Variants in ZDHHC14 observed in about 807,000 individuals in gnomAD.
ZDHHC14 encodes the protein zDHHC palmitoyltransferase 14.
ZDHHC14 carries 16 observed loss-of-function variants against 47.7 expected under a neutral mutation model. The observed-to-expected ratio is 0.34, with a 90% CI of 0.23 to 0.51. The LOEUF (loss-of-function observed/expected upper bound fraction) is 0.51, where lower values mean the gene tolerates loss of function less well. Among genes scored for constraint, ZDHHC14 ranks in the 20% least tolerant of loss-of-function variants. The probability of loss-of-function intolerance (pLI) is 0.97; values close to 1 mark genes in which losing one functional copy is unlikely to be tolerated. For missense variants in ZDHHC14, 515 were observed against 662.5 expected, an observed-to-expected ratio of 0.78 and a Z score of 2.44; for synonymous variants, 293 against 278.9, an observed-to-expected ratio of 1.05 and a Z score of -0.50.
In ZDHHC14 at chr6:157,582,375, G is replaced by A. The variant is rs1307990824; in HGVS notation, c.407-10613G>A. On this transcript the variant is annotated intron_variant, in intron 2 of 8. Coordinates refer to ENST00000359775, the MANE Select transcript of ZDHHC14 (RefSeq NM_024630.3). This position sits in a 1 kb window ranked among gnomAD's most constrained non-coding sequence, Gnocchi z 4.3. ...TGTGTTTTTGTAGTGGCTGGTAATG[G>A]TCCTTCCTTTCCATATTTAGTGCTC... Among the ~76,000 whole-genome samples the A allele has an allele frequency of 5.3e-5, 8 of 152,202 alleles. No individual in the cohort carries two copies. The highest frequency in any genetic ancestry group is 1.7e-4 in the African/African-American group (7 of 41,450).
At chr6:157,589,718 C>T (rs1783833085) in intron 2 of ZDHHC14, among the ~76,000 whole-genome samples, 1 of 152,090 alleles carries the variant, frequency 6.6e-6, no homozygotes, top group South Asian at 2.1e-4. Context: ...CAGATATGTC[C>T]TTATAGTAGC....
intron 2 of ZDHHC14, among the ~76,000 whole-genome samples, chr6:157,548,427 G>GTTA (rs199812099): frequency 0.15 from 21,385 of 145,794 alleles, 1,776 homozygotes; most frequent in Non-Finnish European, 0.19. Flanking sequence ...TGTTTTTGTT[G>GTTA]TTGTTGTTGT....
At chr6:157,600,806 C>T (rs150110239) in intron 3 of ZDHHC14, among the ~76,000 whole-genome samples, 1,589 of 152,160 alleles carry the variant, frequency 0.01, 29 homozygotes, top group African/African-American at 0.034. Flanking sequence ...TCACACCCCC[C>T]GGGTTGCTCC....
chr6:157,517,652 C>T (rs1780745802), intron 1 of ZDHHC14, among the ~76,000 whole-genome samples: 4 of 152,170 alleles, frequency 2.6e-5, no homozygotes. Flanking sequence ...TTGAAAATTT[C>T]TGTCAGGTAC....
rs1414253987 is a variant in ZDHHC14 at position 157,522,021 on chromosome 6, A to G, written c.246-20564A>G. On this transcript the variant is annotated intron_variant, in intron 1 of 8. Coordinates refer to ENST00000359775, the MANE Select transcript of ZDHHC14 (RefSeq NM_024630.3). ...AATTGCTAAGTATATAACAAGTTGC[A>G]TTTTTTTTTTAAAGTACAAAGCTGG... is the stretch of plus-strand genomic sequence containing the variant. Among the ~76,000 whole-genome samples, 5 of 150,884 alleles carry G rather than the reference A, an allele frequency of 3.3e-5. No individual in the cohort carries two copies. The East Asian group carries it at 9.7e-4, about 29-fold the overall frequency.
chr6:157,433,868 A>G (rs2114783788), intron 1 of ZDHHC14, among the ~76,000 whole-genome samples: 1 of 152,200 alleles, frequency 6.6e-6, no homozygotes, highest in East Asian at 1.9e-4. Context: ...GCTGGCTCCC[A>G]TCTTTCCAGA....
chr6:157,656,330 G>A (rs1778087817), intron 8 of ZDHHC14, among the ~76,000 whole-genome samples: 1 of 138,956 alleles, frequency 7.2e-6, no homozygotes, highest in South Asian at 2.3e-4. Context: ...TCAGTGTAAG[G>A]CTACTTTTCT....
intron 1 of ZDHHC14, among the ~76,000 whole-genome samples, chr6:157,528,876 A>G (rs777786027): frequency 5.6e-4 from 85 of 150,454 alleles, no homozygotes; most frequent in Non-Finnish European, 9.0e-4. Flanking sequence ...TAATTAATTT[A>G]AAAAGCACAA....
At chr6:157,456,596 C>A (rs1002543962) in intron 1 of ZDHHC14, among the ~76,000 whole-genome samples, 3 of 152,210 alleles carry the variant, frequency 2.0e-5, no homozygotes, top group African/African-American at 7.2e-5. Flanking sequence ...CCATGTTTCT[C>A]CCTGGCAGTA....
chr6:157,557,184 C>T (rs191371550), intron 2 of ZDHHC14, among the ~76,000 whole-genome samples: 5 of 152,278 alleles, frequency 3.3e-5, no homozygotes, highest in East Asian at 1.9e-4. Context: ...ATTGCACCTG[C>T]GGGCCTAGCA....
intron 2 of ZDHHC14, among the ~76,000 whole-genome samples, chr6:157,591,181 T>C (rs1392635081): frequency 6.6e-6 from 1 of 152,226 alleles, no homozygotes; most frequent in African/African-American, 2.4e-5. Context: ...GGGTTAATGC[T>C]AGAATGAGCT....
chr6:157,631,431 CA>C (rs1168782298), intron 4 of ZDHHC14: 1 of 152,240 alleles, frequency 6.6e-6, no homozygotes, highest in African/African-American at 2.4e-5. Flanking sequence ...ACCCCCTCAT[CA>C]GTGACCCCCA....
rs111638692 is a variant in ZDHHC14, at chr6:157,649,971, C to T, written c.965+2603C>T. The stretch of plus-strand genomic sequence containing the variant: ...TGGGGGTGCACGGGAGAGGGGCTGG[C>T]TCTGTGCCAGGCGCTGGGGGTGCAC... On this transcript the variant is annotated intron_variant, in intron 7 of 8. Transcript: ENST00000359775. 2.5e-3 allele frequency among the ~76,000 whole-genome samples: 381 copies of T among 152,002 alleles called. 4 individuals are homozygous for T. The highest frequency in any genetic ancestry group is 0.01 in the South Asian group (49 of 4,774).
rs187889853 is a variant in ZDHHC14 at position 157,677,577 on chromosome 6, G to C, written c.*4455G>C. 1 of 152,204 alleles carries C rather than the reference G, an allele frequency of 6.6e-6. No individual in the cohort carries two copies. Among genetic ancestry groups the C allele is most frequent in the East Asian group, 1.9e-4 (1 of 5,186 alleles). 9.4% of individuals were successfully genotyped at this position (152,204 alleles called of 1,614,324 possible). The stretch of plus-strand genomic sequence containing the variant: ...AAAACTAGATAAATAGCCACAACTG[G>C]AGTTATTTTTTGATCTCATAAACCC... On this transcript the variant is annotated 3_prime_UTR_variant, in exon 9 of 9. Transcript: ENST00000359775.
chr6:157,431,632 C>A (rs1778340132), intron 1 of ZDHHC14, among the ~76,000 whole-genome samples: 1 of 152,124 alleles, frequency 6.6e-6, no homozygotes, highest in Admixed American at 6.5e-5. Flanking sequence ...GGACTACTCA[C>A]CTCCTTAGGA....
In ZDHHC14 at chr6:157,635,603, G is replaced by A. The variant is rs2114964456; in HGVS notation, c.752+2721G>A. On this transcript the variant is annotated intron_variant, in intron 5 of 8. Transcript: ENST00000359775. ...CACGGCTTCCAGGTGTGGCCAGAGG[G>A]ATTTCAAAGAGACTCTGCCAGAACC... Among the ~76,000 whole-genome samples, 4 of 152,340 alleles carry A rather than the reference G, an allele frequency of 2.6e-5. No homozygotes were observed. In the South Asian group the frequency reaches 8.3e-4, roughly 32 times the overall value.
chr6:157,570,311 T>G (rs1783049773), intron 2 of ZDHHC14, among the ~76,000 whole-genome samples: 1 of 152,266 alleles, frequency 6.6e-6, no homozygotes, highest in Admixed American at 6.5e-5. Flanking sequence ...TGTTCTTGTC[T>G]ACTTGTCTTA....
intron 2 of ZDHHC14, among the ~76,000 whole-genome samples, chr6:157,556,423 G>A (rs746516187): frequency 3.9e-5 from 6 of 152,322 alleles, no homozygotes; most frequent in South Asian, 2.1e-4. Flanking sequence ...CGCAAAGGAC[G>A]AGTAACTCCC....
Position 157,427,074 on chromosome 6 carries a change from G to C in ZDHHC14, c.245+44808G>C, listed in dbSNP as rs1778238252. 6.6e-6 allele frequency among the ~76,000 whole-genome samples: 1 copy of C among 152,084 alleles called. No individual in the cohort carries two copies. The highest frequency in any genetic ancestry group is 2.1e-4 in the South Asian group (1 of 4,824). ...AGGCACGGTGCGAGCTGGGGTGGCA[G>C]GGGAGCAAGGGCCCCAGGGAGAAGA... On this transcript the variant is annotated intron_variant, in intron 1 of 8. Transcript: ENST00000359775. The surrounding 1 kb of genome is among the most constrained non-coding windows in gnomAD (Gnocchi z 4.4).
Sources: gnomAD v4.1 joint callset for allele counts (sites outside exome capture counted in the v4.1 genomes callset) on GRCh38, gnomAD v4.1.1 for gene constraint, Gnocchi (gnomAD v3.1) non-coding constraint, MANE v1.5 for transcripts, NCBI Gene and HGNC (gene_info 2026-07-23, HGNC 2026-07-21) for gene names.